Variants in CCDC73 observed in about 807,000 individuals in gnomAD.
CCDC73 encodes the protein coiled-coil domain-containing protein 73.
Under a neutral mutation model 116.5 loss-of-function variants are expected in CCDC73, and 95 were observed. The ratio of observed to expected loss-of-function variants is 0.82; its 90% confidence interval spans 0.69 to 0.97. CCDC73 has a LOEUF of 0.97. Among genes scored for constraint, CCDC73 ranks in the 50% least tolerant of loss-of-function variants. The pLI, the probability that CCDC73 is intolerant of heterozygous loss-of-function variation, is 0.00. For missense variants in CCDC73, 1,066 were observed against 1,206.8 expected (o/e 0.88, Z 1.73); for synonymous variants, 398 against 401.3 (o/e 0.99, Z 0.10).
At chr11:32,766,733 GAAT>G (rs1028716934) in intron 1 of CCDC73, among the ~76,000 whole-genome samples, 1 of 152,080 alleles carries the variant, frequency 6.6e-6, no homozygotes, top group Non-Finnish European at 1.5e-5. Flanking sequence ...GCTTCAAAGA[GAAT>G]AAAATACCTA....
chr11:32,754,370 G>A (rs923752978), intron 2 of CCDC73, among the ~76,000 whole-genome samples: 38 of 152,086 alleles, frequency 2.5e-4, no homozygotes, highest in African/African-American at 8.5e-4. Context: ...GTACAGAGAG[G>A]CAAATAGGAA....
intron 6 of CCDC73, among the ~76,000 whole-genome samples, chr11:32,696,373 T>A (rs1019821773): frequency 7.9e-5 from 12 of 152,198 alleles, no homozygotes; most frequent in Admixed American, 6.5e-5. Flanking sequence ...CTTGAATAAC[T>A]ATTTTATTAT....
upstream of CCDC73, among the ~76,000 whole-genome samples, chr11:32,799,147 A>G (rs1159367832): frequency 6.8e-6 from 1 of 147,220 alleles, no homozygotes; most frequent in Non-Finnish European, 1.5e-5. Context: ...GCTGGAATAC[A>G]GTGGCACAAT....
chr11:32,646,441 G>T (rs1392749478), intron 12 of CCDC73, among the ~76,000 whole-genome samples: 1 of 152,156 alleles, frequency 6.6e-6, no homozygotes, highest in Non-Finnish European at 1.5e-5. Flanking sequence ...TATGTCTGAA[G>T]ATGTCTTGAT....
At chr11:32,624,508 G>C (rs960415051) in intron 14 of CCDC73, among the ~76,000 whole-genome samples, 1 of 152,166 alleles carries the variant, frequency 6.6e-6, no homozygotes, top group African/African-American at 2.4e-5. Context: ...GCACGTCCTA[G>C]TCACACAATG....
chr11:32,746,883 T>A (rs575241089), intron 2 of CCDC73, among the ~76,000 whole-genome samples: 61 of 152,274 alleles, frequency 4.0e-4, no homozygotes, highest in African/African-American at 1.4e-3. Context: ...CTCCTTTAGC[T>A]CGGAGAAGTT....
At chr11:32,749,586 G>A (rs770723369) in intron 2 of CCDC73, among the ~76,000 whole-genome samples, 6 of 152,090 alleles carry the variant, frequency 3.9e-5, no homozygotes, top group Middle Eastern at 3.4e-3. Flanking sequence ...GTGAGTGTTC[G>A]TCAGTGTCTG....
the CCDC73 span, among the ~76,000 whole-genome samples, chr11:32,808,642 G>GA: frequency 0.47 from 67,312 of 144,338 alleles, 15,149 homozygotes; most frequent in East Asian, 0.54. Context: ...CCGTCTCAAA[G>GA]AAAAAAAAAA....
In CCDC73 at chr11:32,688,878, C is replaced by T. The variant is rs373132616; in HGVS notation, c.391-5304G>A. On this transcript the variant is annotated intron_variant, in intron 6 of 17. Coordinates refer to ENST00000335185, the MANE Select transcript of CCDC73 (RefSeq NM_001008391.4). ...AAAGAAAGATAAGGAAATTGTCAGA[C>T]ATCAAAAATAAGACAGAAAACCCAT... 5.0e-4 allele frequency among the ~76,000 whole-genome samples: 76 copies of T among 152,196 alleles called. 1 individual carries two copies. The highest frequency in any genetic ancestry group is 1.7e-3 in the African/African-American group (70 of 41,528).
At chr11:32,624,372 T>A (rs1324093368) in intron 14 of CCDC73, among the ~76,000 whole-genome samples, 1 of 151,376 alleles carries the variant, frequency 6.6e-6, no homozygotes, top group African/African-American at 2.5e-5. Context: ...AAATAAATTA[T>A]AAGTGAGAAA....
chr11:32,651,316 G>A (rs1411080968), intron 12 of CCDC73, among the ~76,000 whole-genome samples: 1 of 152,176 alleles, frequency 6.6e-6, no homozygotes, highest in Non-Finnish European at 1.5e-5. Flanking sequence ...TGAAGGCACT[G>A]CCAACCTGCA....
chr11:32,617,883 A>T (rs1855488935), intron 14 of CCDC73, among the ~76,000 whole-genome samples: 1 of 152,216 alleles, frequency 6.6e-6, no homozygotes, highest in African/African-American at 2.4e-5. Context: ...TCTTTTAAAT[A>T]ATTCCAACTT....
the CCDC73 span, among the ~76,000 whole-genome samples, chr11:32,825,594 C>A: frequency 1.3e-5 from 2 of 152,196 alleles, no homozygotes; most frequent in South Asian, 4.2e-4. Context: ...GAGCGCTTGG[C>A]CTCTGATGCA....
the CCDC73 span, among the ~76,000 whole-genome samples, chr11:32,803,136 C>T: frequency 6.6e-6 from 1 of 151,996 alleles, no homozygotes; most frequent in African/African-American, 2.4e-5. Flanking sequence ...CTCTGTCATC[C>T]AGGCTGGAGT....
chr11:32,775,726 T>C (rs1850527665), intron 1 of CCDC73, among the ~76,000 whole-genome samples: 1 of 152,194 alleles, frequency 6.6e-6, no homozygotes, highest in Non-Finnish European at 1.5e-5. Flanking sequence ...TCCTTTAATA[T>C]TAACAAATCT....
intron 1 of CCDC73, among the ~76,000 whole-genome samples, chr11:32,764,806 GAC>G (rs936347483): frequency 1.6e-4 from 25 of 152,134 alleles, no homozygotes; most frequent in African/African-American, 6.0e-4. Flanking sequence ...CCAATTAAAA[GAC>G]ACAGACTGGC....
chr11:32,753,600 G>A (rs1320558087), intron 2 of CCDC73, among the ~76,000 whole-genome samples: 1 of 152,098 alleles, frequency 6.6e-6, no homozygotes, highest in Non-Finnish European at 1.5e-5. Flanking sequence ...GAGTAGCTGG[G>A]ATTACAAGCA....
In CCDC73 at chr11:32,641,989, C is replaced by T. The variant is rs774993649; in HGVS notation, c.1033G>A (p.Gly345Arg). ...NLQNEHEKAL[G>R]TWKRHAEELN... ...AAACTTACATGTCTTTTCCAAGTTC[C>T]TAGTGCTTTTTCATGCTCATTTTGA... The change falls in exon 13 of 18, where the codon GGA becomes AGA. Residue 345 changes from glycine to arginine, a missense_variant. Physicochemically the swap from Gly to Arg is moderately radical, Grantham distance 125 (BLOSUM62 -2). Transcript: ENST00000335185. The T allele has an allele frequency of 6.5e-7, 1 of 1,532,562 alleles. No homozygotes were observed. Among genetic ancestry groups the T allele is most frequent in the Non-Finnish European group, 8.8e-7 (1 of 1,138,472 alleles). 94.9% of individuals were successfully genotyped at this position (1,532,562 alleles called of 1,614,324 possible).
At position 32,624,353 on chromosome 11, in the gene CCDC73, T is replaced by A. The variant is rs28532431; in HGVS notation, c.1186-8224A>T. Among the ~76,000 whole-genome samples the A allele has an allele frequency of 8.2e-4, 124 of 151,720 alleles. 1 individual carries two copies. Among genetic ancestry groups the A allele is most frequent in the East Asian group, 4.7e-3 (24 of 5,160 alleles). On this transcript the variant is annotated intron_variant, in intron 14 of 17. Coordinates refer to ENST00000335185, the MANE Select transcript of CCDC73 (RefSeq NM_001008391.4). ...CATCTCCAAATAAAAAATAAAAAAA[T>A]AAATAAATAAATAAATTATAAGTGA...
Sources: gnomAD v4.1 joint callset for allele counts (sites outside exome capture counted in the v4.1 genomes callset) on GRCh38, gnomAD v4.1.1 for gene constraint, MANE v1.5 for transcripts, NCBI Gene and HGNC (gene_info 2026-07-23, HGNC 2026-07-21) for gene names.